The following CLSTN2 variants were observed in gnomAD, a reference collection of about 807,000 sequenced individuals.
CLSTN2 encodes calsyntenin-2.
A neutral mutation model predicts 101.2 loss-of-function variants in CLSTN2; 48 were observed. The ratio of observed to expected loss-of-function variants is 0.47; its 90% CI spans 0.38 to 0.60. The LOEUF (loss-of-function observed/expected upper bound fraction) is 0.60. Among genes scored for constraint, CLSTN2 ranks in the 20% least tolerant of loss-of-function variants. The pLI is 0.00. For missense variants in CLSTN2, 1,160 were observed against 1,238.2 expected, an observed-to-expected ratio of 0.94 and a Z score of 0.95; for synonymous variants, 481 against 463.6, an observed-to-expected ratio of 1.04 and a Z score of -0.48.
At chr3:140,213,012 G>A (rs2010877051) in intron 2 of CLSTN2, among the ~76,000 whole-genome samples, 1 of 152,194 alleles carries the variant, frequency 6.6e-6, no homozygotes, top group Admixed American at 6.5e-5. Context: ...ATGGATATTG[G>A]CAAATAAATG....
chr3:140,230,097 G>A (rs1005332387), intron 2 of CLSTN2, among the ~76,000 whole-genome samples: 2 of 152,070 alleles, frequency 1.3e-5, no homozygotes, highest in Non-Finnish European at 2.9e-5. Context: ...TTGTAAAGTA[G>A]ATGCACAGCC....
chr3:140,543,608 T>C (rs1266113018), intron 9 of CLSTN2, among the ~76,000 whole-genome samples: 4 of 152,196 alleles, frequency 2.6e-5, no homozygotes, highest in African/African-American at 9.6e-5. Flanking sequence ...GGCTCTGCTC[T>C]TCCCTGCTGG....
chr3:140,189,040 A>G (rs2010523157), intron 2 of CLSTN2, among the ~76,000 whole-genome samples: 1 of 152,142 alleles, frequency 6.6e-6, no homozygotes, highest in African/African-American at 2.4e-5. Flanking sequence ...ACCTTTTAGA[A>G]TTGGCTTTTT....
intron 5 of CLSTN2, among the ~76,000 whole-genome samples, chr3:140,427,194 T>A (rs1462022170): frequency 3.5e-5 from 3 of 84,784 alleles, no homozygotes; most frequent in African/African-American, 2.1e-4. Flanking sequence ...AATATATATA[T>A]ATATATATAT....
intron 1 of CLSTN2, among the ~76,000 whole-genome samples, chr3:140,114,994 G>C (rs1335592120): frequency 6.6e-6 from 1 of 152,128 alleles, no homozygotes; most frequent in Non-Finnish European, 1.5e-5. Flanking sequence ...GCTCTCTTCA[G>C]TACCTGTGTA....
At chr3:140,444,275 C>T (rs914957719) in intron 5 of CLSTN2, among the ~76,000 whole-genome samples, 1 of 151,996 alleles carries the variant, frequency 6.6e-6, no homozygotes. Flanking sequence ...ACTAAAAATA[C>T]AAAAATTGGC....
intron 1 of CLSTN2, among the ~76,000 whole-genome samples, chr3:140,075,455 A>G (rs1400275203): frequency 6.6e-6 from 1 of 152,194 alleles, no homozygotes; most frequent in Non-Finnish European, 1.5e-5. Flanking sequence ...TTCCAAGTAT[A>G]TAGGAGAGTT....
In CLSTN2 at chr3:140,404,704, A is replaced by G. The variant is rs1224203622; in HGVS notation, c.575A>G (p.Tyr192Cys). Reference protein sequence around the residue: ...EAIDEDCSPQYSQICNYEIVT... With the variant: ...EAIDEDCSPQCSQICNYEIVT... Reference sequence around the variant, plus strand: ...ATTGACGAGGACTGCTCCCCACAGTACAGCCAGATCTGCAACTATGAAATC... The same window carrying G: ...ATTGACGAGGACTGCTCCCCACAGTGCAGCCAGATCTGCAACTATGAAATC... The change falls in exon 4 of 17, where the codon TAC becomes TGC. Residue 192 changes from tyrosine (Y) to cysteine (C), a missense_variant. By Grantham distance (194) the Tyr-to-Cys change is radical (BLOSUM62 -2). Transcript: ENST00000458420. 6.2e-7 allele frequency: 1 copy of G among 1,614,082 alleles called. No homozygotes were observed. The highest frequency in any genetic ancestry group is 8.5e-7 in the Non-Finnish European group (1 of 1,180,040).
chr3:140,054,108 A>G (rs2008053317), intron 1 of CLSTN2, among the ~76,000 whole-genome samples: 1 of 152,082 alleles, frequency 6.6e-6, no homozygotes, highest in African/African-American at 2.4e-5. Flanking sequence ...GTGGTGACCA[A>G]AGGTACTATG....
intron 1 of CLSTN2, among the ~76,000 whole-genome samples, chr3:140,061,912 A>G (rs1402744480): frequency 6.6e-6 from 1 of 152,226 alleles, no homozygotes; most frequent in Non-Finnish European, 1.5e-5. Flanking sequence ...TTCTCCTGAC[A>G]CTGATCACAC....
intron 1 of CLSTN2, among the ~76,000 whole-genome samples, chr3:140,133,572 AGGT>A (rs1370878484): frequency 3.3e-5 from 5 of 152,190 alleles, no homozygotes; most frequent in African/African-American, 1.2e-4. Context: ...GGGAAGGCCC[AGGT>A]TCCTCCCACA....
intron 2 of CLSTN2, among the ~76,000 whole-genome samples, chr3:140,401,062 C>CGCTGGGTCTATTTTT (rs1485449372): frequency 6.6e-6 from 1 of 152,208 alleles, no homozygotes; most frequent in Non-Finnish European, 1.5e-5. Context: ...TACAGGCCAG[C>CGCTGGGTCTATTTTT]GCTGGGTCTA....
At chr3:140,212,941 A>G (rs2107847621) in intron 2 of CLSTN2, among the ~76,000 whole-genome samples, 1 of 152,260 alleles carries the variant, frequency 6.6e-6, no homozygotes, top group East Asian at 1.9e-4. Context: ...GGGAAGGTGC[A>G]GTCTGTCTTC....
At chr3:140,011,792 G>A (rs1455533824) in intron 1 of CLSTN2, among the ~76,000 whole-genome samples, 1 of 151,978 alleles carries the variant, frequency 6.6e-6, no homozygotes. Flanking sequence ...TAAGTGTCTG[G>A]CAGGGGTCGG....
Position 140,074,369 on chromosome 3 carries a change from C to T in CLSTN2, c.110-101582C>T, listed in dbSNP as rs571350863. Reference sequence around the variant, plus strand: ...GGCCGGGGTGTTGACTGGAGATGCCCCTCCATTCTGGGCAGCATGTCGACA... The same window carrying T: ...GGCCGGGGTGTTGACTGGAGATGCCTCTCCATTCTGGGCAGCATGTCGACA... On this transcript the variant is annotated intron_variant, in intron 1 of 16. Transcript: ENST00000458420. 2.0e-5 allele frequency among the ~76,000 whole-genome samples: 3 copies of T among 152,160 alleles called. No homozygotes were observed. In the South Asian group the frequency reaches 6.2e-4, roughly 32 times the overall value.
At chr3:140,099,219 A>G (rs1020521893) in intron 1 of CLSTN2, among the ~76,000 whole-genome samples, 3 of 152,210 alleles carry the variant, frequency 2.0e-5, no homozygotes, top group African/African-American at 7.2e-5. Flanking sequence ...ACAAATTACC[A>G]GGAACTGCAT....
At chr3:140,160,012 G>T (rs901960230) in intron 1 of CLSTN2, among the ~76,000 whole-genome samples, 8 of 151,894 alleles carry the variant, frequency 5.3e-5, no homozygotes, top group Admixed American at 4.6e-4. Context: ...TACTAGAAGG[G>T]GAAAGTAGCA....
chr3:140,019,883 C>T (rs2007272629), intron 1 of CLSTN2, among the ~76,000 whole-genome samples: 3 of 152,008 alleles, frequency 2.0e-5, no homozygotes, highest in South Asian at 4.2e-4. Context: ...GGCTTGGGTA[C>T]CCAGGGGATG....
chr3:139,957,563 G>A lies in CLSTN2; in HGVS notation c.109+22080G>A, dbSNP rs13087849. ...AGCTATGTGAAGGTGCAGGGCTCAT[G>A]TCTTAATTCATACTGGCATCCCAGC... On this transcript the variant is annotated intron_variant, in intron 1 of 16. Coordinates refer to ENST00000458420, the MANE Select transcript of CLSTN2 (RefSeq NM_022131.3). 9.1e-3 allele frequency among the ~76,000 whole-genome samples: 1,386 copies of A among 151,910 alleles called. 8 individuals are homozygous for A. The highest frequency in any genetic ancestry group is 0.037 in the Middle Eastern group (11 of 294).
Sources: allele counts gnomAD v4.1 joint callset (sites outside exome capture counted in the v4.1 genomes callset), GRCh38; gene constraint gnomAD v4.1.1; transcripts MANE v1.5; gene names NCBI Gene and HGNC (gene_info 2026-07-23, HGNC 2026-07-21).